The following CDH23 variants were observed in gnomAD, a reference collection of about 807,000 sequenced individuals.
CDH23 encodes the protein cadherin-23.
In CDH23, 189 loss-of-function variants were observed where a neutral mutation model predicts 317.1. That is an observed-to-expected ratio of 0.60 (90% confidence interval 0.53 to 0.67). The LOEUF is 0.67. CDH23 is among the 30% of genes least tolerant of loss of function. CDH23 has a pLI of 0.00. For synonymous variants in CDH23, 1,839 were observed against 1,876.8 expected (o/e 0.98, Z 0.52); for missense variants, 4,401 against 4,592.4 (o/e 0.96, Z 1.20).
In CDH23 at chr10:71,445,433, C is replaced by T. The variant is rs528946386; in HGVS notation, c.68-885C>T. Among the ~76,000 whole-genome samples the T allele has an allele frequency of 3.0e-3, 457 of 152,334 alleles. 2 individuals are homozygous for T. The highest frequency in any genetic ancestry group is 4.8e-3 in the Non-Finnish European group (329 of 68,034). On this transcript the variant is annotated intron_variant, in intron 2 of 69. Transcript: ENST00000224721. Reference sequence around the variant, plus strand: ...CTGTTCTGGGCACCAGGGTTCCACCCGTCAACCAAGCCCTGTCCTTGCAGA... The same window carrying T: ...CTGTTCTGGGCACCAGGGTTCCACCTGTCAACCAAGCCCTGTCCTTGCAGA...
At chr10:71,693,543 A>G (rs1363824121) in intron 20 of CDH23, among the ~76,000 whole-genome samples, 3 of 152,248 alleles carry the variant, frequency 2.0e-5, no homozygotes, top group African/African-American at 7.2e-5. Flanking sequence ...CTGTCCAGTA[A>G]TGAGTCACAA....
intron 3 of CDH23, among the ~76,000 whole-genome samples, chr10:71,491,467 A>C (rs1372494103): frequency 6.6e-6 from 1 of 152,160 alleles, no homozygotes; most frequent in Admixed American, 6.5e-5. Context: ...TTAGCCCCAG[A>C]CCTGTTTACG....
chr10:71,584,616 C>T (rs1858913960), intron 9 of CDH23, among the ~76,000 whole-genome samples: 1 of 151,496 alleles, frequency 6.6e-6, no homozygotes, highest in African/African-American at 2.4e-5. Context: ...CTTGCACAAC[C>T]TCACACCCCC....
chr10:71,754,495 A>C (rs1564776369), intron 38 of CDH23, among the ~76,000 whole-genome samples: 1 of 151,366 alleles, frequency 6.6e-6, no homozygotes, highest in Non-Finnish European at 1.5e-5. Context: ...AGGGTAAAAA[A>C]CTCCCTAGCC....
chr10:71,602,860 A>T (rs2132480360), intron 9 of CDH23, among the ~76,000 whole-genome samples: 1 of 152,334 alleles, frequency 6.6e-6, no homozygotes, highest in South Asian at 2.1e-4. Flanking sequence ...TCTCACCTCC[A>T]AAGAGGAAAC....
At chr10:71,624,671 G>T (rs1861626531) in intron 11 of CDH23, among the ~76,000 whole-genome samples, 1 of 152,114 alleles carries the variant, frequency 6.6e-6, no homozygotes. Flanking sequence ...CTGCACTCCA[G>T]CCTGGGTGAC....
intron 3 of CDH23, among the ~76,000 whole-genome samples, chr10:71,452,297 C>T (rs1463514201): frequency 2.0e-5 from 3 of 152,134 alleles, no homozygotes; most frequent in Admixed American, 6.5e-5. Context: ...CACCTTCATA[C>T]CCCATGCCCT....
intron 66 of CDH23, 200 bp from the exon 67 acceptor site, chr10:71,812,280 A>G (rs1277008004): frequency 1.3e-6 from 2 of 1,599,048 alleles, no homozygotes; most frequent in African/African-American, 1.3e-5. Context: ...ACCAAAGGCA[A>G]TCCAGACTGA....
intron 17 of CDH23, among the ~76,000 whole-genome samples, chr10:71,680,965 A>T (rs1864619103): frequency 6.7e-6 from 1 of 149,024 alleles, no homozygotes; most frequent in Non-Finnish European, 1.5e-5. Flanking sequence ...AGTAGCTGGG[A>T]TTACAGTCGT....
intron 9 of CDH23, among the ~76,000 whole-genome samples, chr10:71,583,574 G>A (rs1858807258): frequency 6.6e-6 from 1 of 152,170 alleles, no homozygotes; most frequent in African/African-American, 2.4e-5. Flanking sequence ...GGCCTTAGAG[G>A]AGGTGCTGAT....
intron 30 of CDH23, 85 bp downstream of exon 30, chr10:71,725,605 T>C (rs1866776835): frequency 6.9e-7 from 1 of 1,458,966 alleles, no homozygotes; most frequent in Non-Finnish European, 9.2e-7. Flanking sequence ...AGTTGGCGCC[T>C]GGTGTGGGCA....
intron 2 of CDH23, among the ~76,000 whole-genome samples, chr10:71,441,346 AG>A (rs1849869982): frequency 6.6e-6 from 1 of 151,826 alleles, no homozygotes; most frequent in Non-Finnish European, 1.5e-5. Flanking sequence ...CACTTTCTTC[AG>A]CCTCCCCGGG....
At chr10:71,785,157 C>T in intron 43 of CDH23, 57 bp downstream of exon 43, 1 of 1,475,544 alleles carries the variant, frequency 6.8e-7, no homozygotes, top group Non-Finnish European at 9.4e-7. Context: ...AAAAGAGGAC[C>T]CTGCCCTAGA....
chr10:71,736,715 C>T (rs893674605), intron 34 of CDH23, among the ~76,000 whole-genome samples: 6 of 152,216 alleles, frequency 3.9e-5, no homozygotes, highest in East Asian at 1.9e-4. Context: ...TGTGGGAACA[C>T]CTGCTGTGTC....
At chr10:71,680,334 G>A (rs1864564918) in intron 17 of CDH23, among the ~76,000 whole-genome samples, 2 of 152,194 alleles carry the variant, frequency 1.3e-5, no homozygotes, top group South Asian at 4.1e-4. Flanking sequence ...CTGATTCCTG[G>A]AGCCTGGGTT....
intron 18 of CDH23, among the ~76,000 whole-genome samples, chr10:71,685,532 G>C (rs1864838343): frequency 6.6e-6 from 1 of 152,224 alleles, no homozygotes; most frequent in Non-Finnish European, 1.5e-5. Flanking sequence ...AGAGGAGGTG[G>C]GTGGGGGTAA....
At chr10:71,445,909 C>T (rs1291597046) in intron 2 of CDH23, among the ~76,000 whole-genome samples, 5 of 150,018 alleles carry the variant, frequency 3.3e-5, no homozygotes, top group Non-Finnish European at 5.9e-5. Context: ...TCATTTTAAT[C>T]ATATATTTTA....
intron 12 of CDH23, among the ~76,000 whole-genome samples, chr10:71,644,204 TG>T (rs905236498): frequency 3.3e-5 from 5 of 152,226 alleles, no homozygotes; most frequent in Non-Finnish European, 4.4e-5. Context: ...GGAGCCACTT[TG>T]GGCTGGGGCT....
intron 14 of CDH23, among the ~76,000 whole-genome samples, chr10:71,674,506 G>A (rs1864275533): frequency 6.6e-6 from 1 of 152,246 alleles, no homozygotes; most frequent in South Asian, 2.1e-4. Flanking sequence ...CTCTGGGGCA[G>A]TGGTCTGGGA....
Sources: gnomAD v4.1 joint callset for allele counts (sites outside exome capture counted in the v4.1 genomes callset) on GRCh38, gnomAD v4.1.1 for gene constraint, MANE v1.5 for transcripts, NCBI Gene and HGNC (gene_info 2026-07-23, HGNC 2026-07-21) for gene names.